SH3RF1: variants seen among roughly 807,000 people sequenced by gnomAD.
SH3RF1 encodes E3 ubiquitin-protein ligase SH3RF1.
Under a neutral mutation model 74.0 loss-of-function variants are expected in SH3RF1, and 32 were observed. That is an observed-to-expected ratio of 0.43 (90% CI 0.33 to 0.58). The LOEUF is 0.58. Among genes scored for constraint, SH3RF1 ranks in the 20% least tolerant of loss-of-function variants. SH3RF1 has a pLI of 0.05. For missense variants in SH3RF1, 954 were observed against 1,130.9 expected (o/e 0.84, Z 2.24); for synonymous variants, 396 against 439.6 (o/e 0.90, Z 1.24).
chr4:169,176,204 G>A (rs560376275), intron 2 of SH3RF1, among the ~76,000 whole-genome samples: 30 of 152,234 alleles, frequency 2.0e-4, no homozygotes, highest in Admixed American at 1.2e-3. Context: ...TGTCCTAGCA[G>A]CCCAAGATCC....
At chr4:169,146,223 A>T (rs1733889590) in intron 4 of SH3RF1, among the ~76,000 whole-genome samples, 1 of 137,922 alleles carries the variant, frequency 7.3e-6, no homozygotes, top group African/African-American at 2.7e-5. Context: ...TATATGTTTT[A>T]TATATATACT....
At chr4:169,128,825 A>G (rs1733566645) in intron 6 of SH3RF1, among the ~76,000 whole-genome samples, 1 of 152,200 alleles carries the variant, frequency 6.6e-6, no homozygotes, top group African/African-American at 2.4e-5. Context: ...GCTGCTTAGA[A>G]GCCTCCCTAT....
At chr4:169,232,357 TCA>T (rs1344999501) in intron 2 of SH3RF1, among the ~76,000 whole-genome samples, 6 of 152,262 alleles carry the variant, frequency 3.9e-5, no homozygotes, top group Non-Finnish European at 8.8e-5. Flanking sequence ...TTTGTGTTTT[TCA>T]CAGTGTCTTC....
At chr4:169,231,703 C>T (rs973644770) in intron 2 of SH3RF1, among the ~76,000 whole-genome samples, 4 of 152,106 alleles carry the variant, frequency 2.6e-5, no homozygotes, top group African/African-American at 9.7e-5. Flanking sequence ...ACATAACCAC[C>T]CACTATGCAT....
intron 2 of SH3RF1, among the ~76,000 whole-genome samples, chr4:169,232,422 T>C (rs959187959): frequency 6.6e-6 from 1 of 152,218 alleles, no homozygotes; most frequent in African/African-American, 2.4e-5. Context: ...CTGTTATTCA[T>C]TTGTAATGGA....
intron 2 of SH3RF1, among the ~76,000 whole-genome samples, chr4:169,217,003 A>T (rs1730474983): frequency 7.6e-6 from 1 of 132,292 alleles, no homozygotes. Flanking sequence ...TTACAAAAAA[A>T]AAAAAAAAAA....
chr4:169,209,134 C>T (rs1181736878), intron 2 of SH3RF1, among the ~76,000 whole-genome samples: 3 of 151,858 alleles, frequency 2.0e-5, no homozygotes, highest in Non-Finnish European at 4.4e-5. Flanking sequence ...ACTAAAAATA[C>T]AAAAATCAGC....
intron 2 of SH3RF1, among the ~76,000 whole-genome samples, chr4:169,161,643 A>T (rs13126548): frequency 6.6e-6 from 1 of 152,126 alleles, no homozygotes; most frequent in Non-Finnish European, 1.5e-5. Flanking sequence ...TGCTCCATAA[A>T]GTAAAAAAGA....
intron 2 of SH3RF1, among the ~76,000 whole-genome samples, chr4:169,182,120 A>G (rs1734521983): frequency 6.6e-6 from 1 of 152,250 alleles, no homozygotes; most frequent in African/African-American, 2.4e-5. Context: ...GAATATTTGA[A>G]ATGGGGACTA....
intron 11 of SH3RF1, among the ~76,000 whole-genome samples, chr4:169,103,789 T>G (rs1465560255): frequency 6.6e-6 from 1 of 152,238 alleles, no homozygotes; most frequent in Non-Finnish European, 1.5e-5. Flanking sequence ...GATTGGCTAT[T>G]ATATTTAATA....
intron 5 of SH3RF1, among the ~76,000 whole-genome samples, chr4:169,133,220 T>C (rs919091731): frequency 5.3e-5 from 8 of 152,226 alleles, no homozygotes; most frequent in African/African-American, 1.2e-4. Context: ...CTAGATTTCA[T>C]TGGGATGAGA....
chr4:169,177,351 T>C (rs992910950), intron 2 of SH3RF1, among the ~76,000 whole-genome samples: 1 of 152,200 alleles, frequency 6.6e-6, no homozygotes, highest in Non-Finnish European at 1.5e-5. Context: ...CTAGAGAATC[T>C]TTATAATCAC....
Position 169,096,636 on chromosome 4 carries a change from A to G in SH3RF1, c.2550T>C (p.Leu850=). ...GAACAAACACAATATCTCCTTCTTTAAGTTCAAGTTCTGCCTCACTCTGAG... is the reference window on the plus strand; with the variant it reads ...GAACAAACACAATATCTCCTTCTTTGAGTTCAAGTTCTGCCTCACTCTGAG... ...YPPQSEAELE[L]KEGDIVFVHK... is the part of the protein sequence containing the mutation. Residue 850 remains leucine (L), a synonymous_variant, in exon 12 of 12, where the codon CTT becomes CTC. Coordinates refer to ENST00000284637, the MANE Select transcript of SH3RF1 (RefSeq NM_020870.4). 1 of 1,614,088 alleles carries G rather than the reference A, an allele frequency of 6.2e-7. No individual in the cohort carries two copies. The highest frequency in any genetic ancestry group is 1.6e-4 in the Middle Eastern group (1 of 6,062).
intron 2 of SH3RF1, among the ~76,000 whole-genome samples, chr4:169,158,575 G>A (rs1297679116): frequency 2.0e-5 from 3 of 152,264 alleles, no homozygotes; most frequent in South Asian, 2.1e-4. Context: ...CCTATGTGCC[G>A]GACAGATCAG....
At chr4:169,247,073 C>T (rs1257526119) in intron 2 of SH3RF1, among the ~76,000 whole-genome samples, 1 of 152,192 alleles carries the variant, frequency 6.6e-6, no homozygotes, top group Non-Finnish European at 1.5e-5. Context: ...TAAAAGAGGA[C>T]TTCAAGGGGC....
chr4:169,190,084 G>C (rs1734674138), intron 2 of SH3RF1, among the ~76,000 whole-genome samples: 1 of 152,148 alleles, frequency 6.6e-6, no homozygotes, highest in Non-Finnish European at 1.5e-5. Context: ...GCAGTGCCAA[G>C]AGGAAAGTTC....
chr4:169,245,005 G>A (rs771097950), intron 2 of SH3RF1, among the ~76,000 whole-genome samples: 12 of 152,110 alleles, frequency 7.9e-5, no homozygotes, highest in Non-Finnish European at 1.3e-4. Context: ...ACATATACTC[G>A]TATTCTGTAA....
intron 2 of SH3RF1, among the ~76,000 whole-genome samples, chr4:169,211,481 CA>C (rs760721489): frequency 7.3e-4 from 66 of 90,964 alleles, no homozygotes; most frequent in East Asian, 1.2e-3. Context: ...GACTCCGTCT[CA>C]AAAAAAAAAA....
At chr4:169,192,858 G>T (rs11942292) in intron 2 of SH3RF1, among the ~76,000 whole-genome samples, 1 of 145,650 alleles carries the variant, frequency 6.9e-6, no homozygotes, top group Admixed American at 6.9e-5. Flanking sequence ...ATATCATATA[G>T]ATGTGATATA....
Sources: allele counts gnomAD v4.1 joint callset (sites outside exome capture counted in the v4.1 genomes callset), GRCh38; gene constraint gnomAD v4.1.1; transcripts MANE v1.5; gene names NCBI Gene and HGNC (gene_info 2026-07-23, HGNC 2026-07-21).